The following ARID2 variants were observed in gnomAD, a reference collection of about 807,000 sequenced individuals.
The protein encoded by ARID2 is AT-rich interaction domain 2, also known as AT-rich interactive domain-containing protein 2.
A neutral mutation model predicts 184.6 loss-of-function variants in ARID2; 32 were observed. The ratio of observed to expected loss-of-function variants is 0.17; its 90% CI spans 0.13 to 0.23. The LOEUF (loss-of-function observed/expected upper bound fraction) is 0.23. Among genes scored for constraint, ARID2 ranks in the 10% least tolerant of loss-of-function variants. The pLI is 1.00. For synonymous variants in ARID2, 836 were observed against 772.6 expected, an observed-to-expected ratio of 1.08 and a Z score of -1.36; for missense variants, 1,696 against 2,197.6, an observed-to-expected ratio of 0.77 and a Z score of 4.56.
Position 45,899,270 on chromosome 12 carries a change from CAAAAAAAAAAAAAAA to C in ARID2, c.5363+5562_5363+5576del, listed in dbSNP as rs774912363. On this transcript the variant is annotated intron_variant, in intron 20 of 20. Coordinates refer to ENST00000334344, the MANE Select transcript of ARID2 (RefSeq NM_152641.4). ...CTGGCGAAAGAGCAAGACTCTGTCT[CAAAAAAAAAAAAAAA>C]AAAAAAAAAAAAGTAAGTGCTACAA... Among the ~76,000 whole-genome samples the C allele has an allele frequency of 5.6e-4, 26 of 46,336 alleles. No homozygotes were observed. In the East Asian group the frequency reaches 0.017, roughly 30 times the overall value. The allele number at this position is 46,336 out of a possible 152,430, so 30.4% of individuals were successfully genotyped here.
rs375608405 is a variant in ARID2, at chr12:45,744,561, T to C, written c.284+13247T>C. 2.3e-3 allele frequency among the ~76,000 whole-genome samples: 344 copies of C among 152,316 alleles called. 12 individuals are homozygous for C. The South Asian group carries it at 0.067, about 30-fold the overall frequency. On this transcript the variant is annotated intron_variant, in intron 3 of 20. Transcript: ENST00000334344. ...TGCTGATAAATTTGGAGGAAAATTA[T>C]CTTTCTTTTTCTATCTATGAAACAG...
intron 3 of ARID2, among the ~76,000 whole-genome samples, chr12:45,739,206 T>C (rs1205622576): frequency 6.6e-6 from 1 of 152,124 alleles, no homozygotes; most frequent in East Asian, 1.9e-4. Flanking sequence ...CTCAAACTCC[T>C]GACCTCAGGT....
At chr12:45,847,070 A>G in intron 12 of ARID2, 133 bp downstream of exon 12, 2 of 658,902 alleles carry the variant, frequency 3.0e-6, no homozygotes, top group South Asian at 5.2e-5. Flanking sequence ...TATCATTTAC[A>G]CAAAGAAAGG....
intron 16 of ARID2, chr12:45,882,328 T>A (rs1944119494): frequency 6.6e-6 from 1 of 152,154 alleles, no homozygotes; most frequent in Non-Finnish European, 1.5e-5. Flanking sequence ...GACCCAGAAG[T>A]CCCGGAATAA....
At chr12:45,812,953 G>A (rs375672582) in intron 4 of ARID2, among the ~76,000 whole-genome samples, 1 of 152,098 alleles carries the variant, frequency 6.6e-6, no homozygotes, top group East Asian at 1.9e-4. Flanking sequence ...TTTTTTTCCT[G>A]AATCTGTTTT....
intron 3 of ARID2, among the ~76,000 whole-genome samples, chr12:45,753,919 ATT>A (rs1430217356): frequency 6.6e-6 from 1 of 152,158 alleles, no homozygotes; most frequent in Non-Finnish European, 1.5e-5. Flanking sequence ...TATTTGCCAA[ATT>A]TAGCTCTTAG....
intron 3 of ARID2, among the ~76,000 whole-genome samples, chr12:45,766,819 A>T (rs190261283): frequency 6.7e-6 from 1 of 150,046 alleles, no homozygotes; most frequent in Non-Finnish European, 1.5e-5. Context: ...CAGCCGGCAT[A>T]TATTTAATTT....
At position 45,851,381 on chromosome 12, in the gene ARID2, C is replaced by T. The variant is rs2138170504; in HGVS notation, c.3258C>T (p.Pro1086=). The T allele has an allele frequency of 6.2e-6, 10 of 1,614,092 alleles. No homozygotes were observed. The highest frequency in any genetic ancestry group is 8.5e-6 in the Non-Finnish European group (10 of 1,179,986). ...KLILPAPQIP[P]PNNARAPSPQ... ...TTCTCCCAGCTCCACAGATTCCTCC[C>T]CCTAATAATGCAAGAGCTCCTAGCC... Residue 1086 remains proline, a synonymous_variant, in exon 15 of 21, where the codon CCC becomes CCT. Transcript: ENST00000334344.
At chr12:45,761,978 C>T (rs1292140203) in intron 3 of ARID2, among the ~76,000 whole-genome samples, 1 of 152,030 alleles carries the variant, frequency 6.6e-6, no homozygotes, top group Admixed American at 6.6e-5. Flanking sequence ...CTTATTCAAA[C>T]CATTTTAAAA....
At chr12:45,735,735 A>G (rs1214357386) in intron 3 of ARID2, among the ~76,000 whole-genome samples, 1 of 152,196 alleles carries the variant, frequency 6.6e-6, no homozygotes, top group African/African-American at 2.4e-5. Context: ...AGAAAGTTGA[A>G]AGACTTATCA....
At chr12:45,895,519 C>A (rs1310148120) in intron 20 of ARID2, among the ~76,000 whole-genome samples, 1 of 152,088 alleles carries the variant, frequency 6.6e-6, no homozygotes, top group Non-Finnish European at 1.5e-5. Context: ...GTGGGAAATT[C>A]ATTTTCTCCT....
In ARID2 at chr12:45,892,078, G is replaced by C. The variant is rs765829002; in HGVS notation, c.5129G>C (p.Ser1710Thr). Residue 1710 changes from serine (S) to threonine (T), a missense_variant, in exon 18 of 21, where the codon AGT becomes ACT. Coordinates refer to ENST00000334344, the MANE Select transcript of ARID2 (RefSeq NM_152641.4). ...CAAGATGAACCAGGACAAGCAGGAAGTCAGAAGTCTTCTACCAAGTAAGGA... is the reference window on the plus strand; with the variant it reads ...CAAGATGAACCAGGACAAGCAGGAACTCAGAAGTCTTCTACCAAGTAAGGA... ...LKQDEPGQAG[S>T]QKSSTKQPTV... 2 of 1,614,010 alleles carry C rather than the reference G, an allele frequency of 1.2e-6. No homozygotes were observed. The highest frequency in any genetic ancestry group is 1.7e-6 in the Non-Finnish European group (2 of 1,179,942).
chr12:45,731,217 G>A lies in ARID2; in HGVS notation c.187G>A (p.Val63Ile), dbSNP rs1940989480. 1.2e-6 allele frequency: 2 copies of A among 1,610,416 alleles called. No homozygotes were observed. The highest frequency in any genetic ancestry group is 1.7e-6 in the Non-Finnish European group (2 of 1,176,672). Residue 63 changes from valine (V) to isoleucine (I), a missense_variant and splice_region_variant, in exon 3 of 21, where the codon GTT (valine) becomes ATT (isoleucine). Transcript: ENST00000334344. ...RVTTLGGFAK[V>I]SEKNQWGEIV... ...GACAACTGTGCCTGTGTTTTACCAG[G>A]TTTCTGAGAAGAATCAGTGGGGAGA...
In ARID2 at chr12:45,729,807, G is replaced by A; in HGVS notation, c.-30G>A. The stretch of plus-strand genomic sequence containing the variant: ...GGGGCGCTTTTAAAACACCGATCTG[G>A]GTTTTTTAAAAACCTCCTTTGAAAA... On this transcript the variant is annotated 5_prime_UTR_variant, in exon 1 of 21. Transcript: ENST00000334344. The A allele has an allele frequency of 6.3e-7, 1 of 1,578,536 alleles. No individual in the cohort carries two copies. Among genetic ancestry groups the A allele is most frequent in the South Asian group, 1.1e-5 (1 of 87,066 alleles).
chr12:45,837,517 T>A lies in ARID2; in HGVS notation c.1140T>A (p.Asn380Lys), dbSNP rs1482694206. The A allele has an allele frequency of 6.2e-7, 1 of 1,613,842 alleles. No homozygotes were observed. The highest frequency in any genetic ancestry group is 8.5e-7 in the Non-Finnish European group (1 of 1,179,910). ...LKMRGMEILGNLCKAEDNGVL... is the reference protein window; with the variant it reads ...LKMRGMEILGKLCKAEDNGVL... ...TTTCAGGCATGGAAATTTTGGGAAA[T>A]CTTTGCAAAGCAGAAGATAATGGTG... Residue 380 changes from asparagine (N) to lysine (K), a missense_variant, in exon 10 of 21, where the codon AAT becomes AAA. This residue lies in a region of ARID2 where 86 missense variants were observed against 200.8 expected (regional missense o/e 0.43). Coordinates refer to ENST00000334344, the MANE Select transcript of ARID2 (RefSeq NM_152641.4).
At chr12:45,760,687 G>A (rs748090334) in intron 3 of ARID2, among the ~76,000 whole-genome samples, 16 of 151,804 alleles carry the variant, frequency 1.1e-4, no homozygotes, top group Non-Finnish European at 2.2e-4. Context: ...ACCGGTATAT[G>A]TTTCCATTTG....
In ARID2 at chr12:45,729,787, G is replaced by T; in HGVS notation, c.-50G>T. 6.6e-7 allele frequency: 1 copy of T among 1,524,618 alleles called. No homozygotes were observed. The highest frequency in any genetic ancestry group is 8.9e-7 in the Non-Finnish European group (1 of 1,123,376). 94.4% of individuals were successfully genotyped at this position (1,524,618 alleles called of 1,614,324 possible). A position where few individuals can be genotyped will look rare whatever the true frequency, so the allele number is the denominator to read the frequency against. On this transcript the variant is annotated 5_prime_UTR_variant, in exon 1 of 21. Coordinates refer to ENST00000334344, the MANE Select transcript of ARID2 (RefSeq NM_152641.4). Reference sequence around the variant, plus strand: ...GTAGGAAGCGCTGGGAGCGGGGGGCGCTTTTAAAACACCGATCTGGGTTTT... The same window carrying T: ...GTAGGAAGCGCTGGGAGCGGGGGGCTCTTTTAAAACACCGATCTGGGTTTT...
intron 3 of ARID2, among the ~76,000 whole-genome samples, chr12:45,788,657 TC>T (rs1942238985): frequency 6.6e-6 from 1 of 152,172 alleles, no homozygotes; most frequent in South Asian, 2.1e-4. Context: ...CAAGGAAATT[TC>T]TTTTGTATTC....
At chr12:45,751,891 T>G (rs983332862) in intron 3 of ARID2, among the ~76,000 whole-genome samples, 2 of 152,240 alleles carry the variant, frequency 1.3e-5, no homozygotes, top group Admixed American at 6.5e-5. Flanking sequence ...CTAAATGTCA[T>G]TTTGCAGTGC....
Sources: gnomAD v4.1 joint callset for allele counts (sites outside exome capture counted in the v4.1 genomes callset) on GRCh38, gnomAD v4.1.1 for gene constraint, gnomAD v4.1.1 regional missense constraint, MANE v1.5 for transcripts, NCBI Gene and HGNC (gene_info 2026-07-23, HGNC 2026-07-21) for gene names.